Variants in GLIPR1 observed in about 807,000 individuals in gnomAD.
GLIPR1 encodes GLI pathogenesis related 1.
In GLIPR1, 38 loss-of-function variants were observed where a neutral mutation model predicts 30.3. That is an observed-to-expected ratio of 1.26 (90% CI 0.97 to 1.65). The LOEUF is 1.65. Among genes scored for constraint, GLIPR1 ranks in the 40% most tolerant of loss-of-function variants. The probability of loss-of-function intolerance (pLI) is 0.00; values close to 1 mark genes in which losing one functional copy is unlikely to be tolerated. For missense variants in GLIPR1, 285 were observed against 326.5 expected (o/e 0.87, Z 0.98); for synonymous variants, 122 against 110.6 (o/e 1.10, Z -0.65).
intron 4 of GLIPR1, chr12:75,495,973 C>G (rs576143998): frequency 5.3e-6 from 1 of 189,854 alleles, no homozygotes; most frequent in East Asian, 1.3e-4. Context: ...AACAGGTCAT[C>G]CAAACAAACA....
chr12:75,497,090 T>A (rs1409987656), intron 4 of GLIPR1: 1 of 152,246 alleles, frequency 6.6e-6, no homozygotes, highest in Non-Finnish European at 1.5e-5. Flanking sequence ...GCTAAAACTA[T>A]GGATTTCAGA....
chr12:75,487,754 G>A, intron 2 of GLIPR1: 1 of 456,516 alleles, frequency 2.2e-6, no homozygotes, highest in South Asian at 1.5e-5. Flanking sequence ...ACAGGAAAGG[G>A]GTCGGGATCC....
chr12:75,503,742 A>G lies in GLIPR1; in HGVS notation c.*4764A>G, dbSNP rs952552258. 5.2e-6 allele frequency: 3 copies of G among 580,882 alleles called. No individual in the cohort carries two copies. In the African/African-American group the frequency reaches 5.7e-5, roughly 11 times the overall value. 36.0% of individuals were successfully genotyped at this position (580,882 alleles called of 1,614,324 possible). The stretch of plus-strand genomic sequence containing the variant: ...CACACCCCCATGCACTCAGCTCAAA[A>G]TATGCCTATTTATATTTACCCTCAG... On this transcript the variant is annotated 3_prime_UTR_variant, in exon 6 of 6. Transcript: ENST00000266659.
In GLIPR1 at chr12:75,502,056, T is replaced by C; in HGVS notation, c.*3078T>C. 1 of 1,408,602 alleles carries C rather than the reference T, an allele frequency of 7.1e-7. No individual in the cohort carries two copies. Among genetic ancestry groups the C allele is most frequent in the Admixed American group, 1.7e-5 (1 of 58,284 alleles). 87.3% of individuals were successfully genotyped at this position (1,408,602 alleles called of 1,614,324 possible). On this transcript the variant is annotated 3_prime_UTR_variant, in exon 6 of 6. Coordinates refer to ENST00000266659, the MANE Select transcript of GLIPR1 (RefSeq NM_006851.3). ...GAAATAATGTAGAGGAGAAGTCATG[T>C]CCTAAGCAAGTCACAATATCCTTAG... is the stretch of plus-strand genomic sequence containing the variant.
chr12:75,492,733 C>T (rs905561037), intron 3 of GLIPR1: 1 of 152,118 alleles, frequency 6.6e-6, no homozygotes, highest in Non-Finnish European at 1.5e-5. Flanking sequence ...ATTTATTCAA[C>T]AAATATTTGT....
At chr12:75,495,208 TAAAG>T (rs904177905) in intron 3 of GLIPR1, 6 of 159,814 alleles carry the variant, frequency 3.8e-5, no homozygotes, top group African/African-American at 1.4e-4. Flanking sequence ...AGAGGGTAGG[TAAAG>T]AGAGGGAGCA....
intron 2 of GLIPR1, chr12:75,489,684 C>T (rs76071423): frequency 1.3e-5 from 2 of 152,324 alleles, no homozygotes; most frequent in East Asian, 3.9e-4. Context: ...GAGCCATGAA[C>T]CTGATTCATT....
rs1325268276 is a variant in GLIPR1, at chr12:75,499,657, T to A, written c.*679T>A. On this transcript the variant is annotated 3_prime_UTR_variant, in exon 6 of 6. Coordinates refer to ENST00000266659, the MANE Select transcript of GLIPR1 (RefSeq NM_006851.3). ...TTTTTCAAAAAATACAATAATAATA[T>A]AATTTATAAAGAACACTCTTCTATG... 1 of 404,228 alleles carries A rather than the reference T, an allele frequency of 2.5e-6. No individual in the cohort carries two copies. Among genetic ancestry groups the A allele is most frequent in the Admixed American group, 4.2e-5 (1 of 23,546 alleles). The allele number at this position is 404,228 out of a possible 1,614,324, so 25.0% of individuals were successfully genotyped here.
chr12:75,484,835 T>A (rs1214955854), intron 2 of GLIPR1: 1 of 175,186 alleles, frequency 5.7e-6, no homozygotes, highest in Non-Finnish European at 1.2e-5. Flanking sequence ...TCAGGCCATC[T>A]GGATGTATAC....
chr12:75,495,670 A>G lies in GLIPR1; in HGVS notation c.619+8A>G. ...GTTTGGACAATCTCTGTGGTGAGTAAAAGGAACAATACACCAATAGAATAA... is the reference window on the plus strand; with the variant it reads ...GTTTGGACAATCTCTGTGGTGAGTAGAAGGAACAATACACCAATAGAATAA... On this transcript the variant is annotated splice_region_variant and intron_variant, in intron 4 of 5. Coordinates refer to ENST00000266659, the MANE Select transcript of GLIPR1 (RefSeq NM_006851.3). 2 of 1,508,560 alleles carry G rather than the reference A, an allele frequency of 1.3e-6. No individual in the cohort carries two copies. The highest frequency in any genetic ancestry group is 1.8e-6 in the Non-Finnish European group (2 of 1,084,276). 93.4% of individuals were successfully genotyped at this position (1,508,560 alleles called of 1,614,324 possible). A position where few individuals can be genotyped will look rare whatever the true frequency, so the allele number is the denominator to read the frequency against.
Position 75,502,011 on chromosome 12 carries a change from CG to C in GLIPR1, c.*3035del. On this transcript the variant is annotated 3_prime_UTR_variant, in exon 6 of 6. Transcript: ENST00000266659. ...CAATTCTTTATCGATCTGTTGAAAACGGTATTTACAATTACATCAGAAATAA... is the reference window on the plus strand; with the variant it reads ...CAATTCTTTATCGATCTGTTGAAAACGTATTTACAATTACATCAGAAATAA... 2 of 1,600,486 alleles carry C rather than the reference CG, an allele frequency of 1.2e-6. No individual in the cohort carries two copies. The highest frequency in any genetic ancestry group is 1.7e-6 in the Non-Finnish European group (2 of 1,173,198).
In GLIPR1 at chr12:75,503,807, A is replaced by G; in HGVS notation, c.*4829A>G. ...GCACACACACACACAATATATATAT[A>G]TACACATATCCCACCTGAAATACTT... is the stretch of plus-strand genomic sequence containing the variant. On this transcript the variant is annotated 3_prime_UTR_variant, in exon 6 of 6. Transcript: ENST00000266659. 1 of 1,066,372 alleles carries G rather than the reference A, an allele frequency of 9.4e-7. No individual in the cohort carries two copies. The highest frequency in any genetic ancestry group is 1.4e-6 in the Non-Finnish European group (1 of 728,118). The allele number at this position is 1,066,372 out of a possible 1,614,324, so 66.1% of individuals were successfully genotyped here.
chr12:75,501,393 G>C lies in GLIPR1; in HGVS notation c.*2415G>C, dbSNP rs1333536685. The stretch of plus-strand genomic sequence containing the variant: ...ACTTCTGATAATTCCTCTTTGAGAG[G>C]CATGACAGCAGAGCTCAGGGATCTT... On this transcript the variant is annotated 3_prime_UTR_variant, in exon 6 of 6. Transcript: ENST00000266659. 4.7e-6 allele frequency: 1 copy of C among 213,896 alleles called. No homozygotes were observed. Among genetic ancestry groups the C allele is most frequent in the Non-Finnish European group, 9.3e-6 (1 of 107,536 alleles). The allele number at this position is 213,896 out of a possible 1,614,324, so 13.2% of individuals were successfully genotyped here.
chr12:75,492,848 T>TG (rs1203523698), intron 3 of GLIPR1: 2 of 152,178 alleles, frequency 1.3e-5, no homozygotes, highest in African/African-American at 2.4e-5. Flanking sequence ...TGCATCATTA[T>TG]GGGGCAATTA....
At chr12:75,487,616 A>G (rs2046299607) in intron 2 of GLIPR1, 1 of 352,242 alleles carries the variant, frequency 2.8e-6, no homozygotes, top group South Asian at 2.1e-5. Flanking sequence ...AGGAGAAGGC[A>G]GCCCACACTC....
chr12:75,493,159 A>G (rs1166676986), intron 3 of GLIPR1: 5 of 152,214 alleles, frequency 3.3e-5, no homozygotes, highest in Admixed American at 2.0e-4. Flanking sequence ...CAAAGTTTAC[A>G]TAAGAAGTCA....
chr12:75,487,856 A>G, intron 2 of GLIPR1: 1 of 454,142 alleles, frequency 2.2e-6, no homozygotes, highest in Non-Finnish European at 4.4e-6. Flanking sequence ...GAAAAGAAAT[A>G]AAAGAATGGC....
chr12:75,495,513 A>G (rs991444868), intron 3 of GLIPR1, 64 bp from the exon 4 acceptor site: 3 of 807,690 alleles, frequency 3.7e-6, no homozygotes, highest in African/African-American at 1.7e-5. Flanking sequence ...TTAAGGATTC[A>G]TAGTAAATTG....
rs774530323 is a variant in GLIPR1 at position 75,499,000 on chromosome 12, C to A, written c.*22C>A. On this transcript the variant is annotated 3_prime_UTR_variant, in exon 6 of 6. Coordinates refer to ENST00000266659, the MANE Select transcript of GLIPR1 (RefSeq NM_006851.3). ...CTAATACAATTCAGGAAAGAAAAAA[C>A]CCAAAAACCAACCTCATTCACATAT... The A allele has an allele frequency of 9.9e-6, 15 of 1,512,468 alleles. No individual in the cohort carries two copies. Among genetic ancestry groups the A allele is most frequent in the Admixed American group, 2.3e-5 (1 of 43,278 alleles). The allele number at this position is 1,512,468 out of a possible 1,614,324, so 93.7% of individuals were successfully genotyped here.
Sources: gnomAD v4.1 joint callset for allele counts on GRCh38, gnomAD v4.1.1 for gene constraint, MANE v1.5 for transcripts, NCBI Gene and HGNC (gene_info 2026-07-23, HGNC 2026-07-21) for gene names.